The following ARHGEF10 variants were observed in gnomAD, a reference collection of about 807,000 sequenced individuals.
ARHGEF10 encodes Rho guanine nucleotide exchange factor 10, also known as Rho guanine nucleotide exchange factor (GEF) 10.
Under a neutral mutation model 147.4 loss-of-function variants are expected in ARHGEF10, and 140 were observed. That is an observed-to-expected ratio of 0.95 (90% CI 0.83 to 1.09). ARHGEF10 has a LOEUF of 1.09. Ranked by LOEUF, ARHGEF10 falls within the 50% of genes least tolerant of loss-of-function variation. The pLI is 0.00. For synonymous variants in ARHGEF10, 902 were observed against 695.8 expected (o/e 1.30, Z -4.67); for missense variants, 2,222 against 1,752.7 (o/e 1.27, Z -4.78).
chr8:1,873,605 A>C (rs59507011), intron 7 of ARHGEF10, among the ~76,000 whole-genome samples: 1 of 123,296 alleles, frequency 8.1e-6, no homozygotes, highest in Non-Finnish European at 1.7e-5. Flanking sequence ...TTGCCTTGAG[A>C]GGTGCCCGCG....
intron 4 of ARHGEF10, among the ~76,000 whole-genome samples, chr8:1,864,066 C>A (rs1295842326): frequency 6.6e-6 from 1 of 151,876 alleles, no homozygotes; most frequent in Admixed American, 6.6e-5. Flanking sequence ...GCCGTGGCTC[C>A]CATGCACATG....
Position 1,945,701 on chromosome 8 carries a change from C to G in ARHGEF10, c.3397+46C>G, listed in dbSNP as rs553825578. 5 of 1,611,518 alleles carry G rather than the reference C, an allele frequency of 3.1e-6. No individual in the cohort carries two copies. In the South Asian group the frequency reaches 4.4e-5, roughly 14 times the overall value. On this transcript the variant is annotated intron_variant, in intron 27 of 28. Transcript: ENST00000349830. ...CCAGGGATGGGACAGCAACCGGGGA[C>G]GGACGTGGGGGGTGCGGAGCGCTGT...
intron 25 of ARHGEF10, among the ~76,000 whole-genome samples, chr8:1,930,145 G>C (rs1214320953): frequency 6.6e-6 from 1 of 151,922 alleles, no homozygotes; most frequent in Non-Finnish European, 1.5e-5. Context: ...TCAGCTCTGA[G>C]CGCAGGGGTG....
chr8:1,869,388 T>C (rs1181945369), intron 7 of ARHGEF10, 138 bp downstream of exon 7: 2 of 764,010 alleles, frequency 2.6e-6, no homozygotes, highest in Non-Finnish European at 4.6e-6. Flanking sequence ...AATGGCTTAT[T>C]GATGTGTGGT....
chr8:1,864,609 T>C (rs1179832448), intron 5 of ARHGEF10, among the ~76,000 whole-genome samples, 173 bp downstream of exon 5: 3 of 152,184 alleles, frequency 2.0e-5, no homozygotes, highest in Non-Finnish European at 4.4e-5. Flanking sequence ...CCTGGAAATG[T>C]AGGGTCAGGA....
intron 2 of ARHGEF10, among the ~76,000 whole-genome samples, chr8:1,851,147 A>G (rs1200132639): frequency 1.3e-5 from 2 of 151,916 alleles, no homozygotes; most frequent in Non-Finnish European, 2.9e-5. Context: ...GCACAGCACC[A>G]GGAGCGAGGC....
At chr8:1,922,300 T>C (rs1295177511) in intron 18 of ARHGEF10, among the ~76,000 whole-genome samples, 1 of 151,872 alleles carries the variant, frequency 6.6e-6, no homozygotes, top group Non-Finnish European at 1.5e-5. Context: ...GAAAGATCAT[T>C]GGGGAACTCA....
intron 8 of ARHGEF10, among the ~76,000 whole-genome samples, chr8:1,879,573 G>A (rs1330900239): frequency 2.0e-5 from 3 of 147,790 alleles, no homozygotes; most frequent in African/African-American, 2.5e-5. Flanking sequence ...TTTTTTTGGA[G>A]ACAGGGTCTT....
Position 1,929,334 on chromosome 8 carries a change from G to C in ARHGEF10, c.2970G>C (p.Gln990His). 5 of 1,614,078 alleles carry C rather than the reference G, an allele frequency of 3.1e-6. No homozygotes were observed. The highest frequency in any genetic ancestry group is 3.4e-6 in the Non-Finnish European group (4 of 1,180,036). Reference protein sequence around the residue: ...SSQGSKKVRLQHFFTPEKSTV... With the variant: ...SSQGSKKVRLHHFFTPEKSTV... ...AAGGCTCCAAGAAAGTGAGACTTCA[G>C]CACTTTTTCACTCCTGAGAAGTCCA... Residue 990 changes from glutamine (Q) to histidine (H), a missense_variant, in exon 25 of 29, where the codon CAG (glutamine) becomes CAC (histidine). By Grantham distance (24) the Gln-to-His change is conservative (BLOSUM62 0). Coordinates refer to ENST00000349830, the MANE Select transcript of ARHGEF10 (RefSeq NM_014629.4).
chr8:1,888,593 A>G (rs1259295338), intron 11 of ARHGEF10, among the ~76,000 whole-genome samples: 6 of 116,530 alleles, frequency 5.1e-5, no homozygotes, highest in Non-Finnish European at 6.9e-5. Context: ...GGGGTCTGTG[A>G]GGTGTCACTG....
At chr8:1,831,747 T>A (rs1434992115) in intron 1 of ARHGEF10, among the ~76,000 whole-genome samples, 1 of 152,226 alleles carries the variant, frequency 6.6e-6, no homozygotes, top group Non-Finnish European at 1.5e-5. Context: ...GGTCGTGCAC[T>A]GCTCGCTCCT....
chr8:1,890,691 G>A (rs900194728), intron 11 of ARHGEF10, among the ~76,000 whole-genome samples: 1 of 151,974 alleles, frequency 6.6e-6, no homozygotes, highest in South Asian at 2.1e-4. Flanking sequence ...AGGAGACACT[G>A]AGTGGGTCAC....
rs148146160 is a variant in ARHGEF10 at position 1,941,822 on chromosome 8, C to T, written c.3223-3659C>T. 1.8e-3 allele frequency among the ~76,000 whole-genome samples: 272 copies of T among 152,268 alleles called. 1 individual carries two copies. The highest frequency in any genetic ancestry group is 6.4e-3 in the African/African-American group (265 of 41,562). Reference sequence around the variant, plus strand: ...GTCTATGTTCACATAATTTTCAACACGGTGCCAAAACTATTCCATTTGAAT... The same window carrying T: ...GTCTATGTTCACATAATTTTCAACATGGTGCCAAAACTATTCCATTTGAAT... On this transcript the variant is annotated intron_variant, in intron 26 of 28. Transcript: ENST00000349830.
intron 18 of ARHGEF10, among the ~76,000 whole-genome samples, chr8:1,914,591 A>G (rs572299567): frequency 6.6e-6 from 1 of 152,252 alleles, no homozygotes; most frequent in Non-Finnish European, 1.5e-5. Flanking sequence ...GCACAGCGGA[A>G]GCCCACCATG....
At chr8:1,940,436 A>T (rs1813992403) in intron 26 of ARHGEF10, among the ~76,000 whole-genome samples, 2 of 152,220 alleles carry the variant, frequency 1.3e-5, no homozygotes, top group Non-Finnish European at 2.9e-5. Context: ...AAGAAATAGA[A>T]ATAGAACATT....
At chr8:1,849,576 T>A (rs1483839524) in intron 2 of ARHGEF10, among the ~76,000 whole-genome samples, 1 of 92,522 alleles carries the variant, frequency 1.1e-5, no homozygotes, top group Non-Finnish European at 2.1e-5. Flanking sequence ...GAGGAGGGCG[T>A]GGGGCCAGCT....
chr8:1,931,260 T>A (rs1037487426), intron 25 of ARHGEF10, among the ~76,000 whole-genome samples: 19 of 152,260 alleles, frequency 1.2e-4, no homozygotes, highest in Non-Finnish European at 2.5e-4. Flanking sequence ...TTGATAGGAC[T>A]TTTTCATATA....
At chr8:1,918,068 G>A (rs1437892318) in intron 18 of ARHGEF10, among the ~76,000 whole-genome samples, 1 of 152,080 alleles carries the variant, frequency 6.6e-6, no homozygotes, top group Non-Finnish European at 1.5e-5. Flanking sequence ...GATTATAGGC[G>A]TGAGCCACCG....
chr8:1,898,442 G>A lies in ARHGEF10; in HGVS notation c.1567G>A (p.Glu523Lys). 2 of 1,614,072 alleles carry A rather than the reference G, an allele frequency of 1.2e-6. No homozygotes were observed. The highest frequency in any genetic ancestry group is 8.5e-7 in the Non-Finnish European group (1 of 1,180,010). ...GTGCCTTCCCCCACAGCAGGAACAGGAGGCCAGCCCCGATCGAACCACGCT... is the reference window on the plus strand; with the variant it reads ...GTGCCTTCCCCCACAGCAGGAACAGAAGGCCAGCCCCGATCGAACCACGCT... Reference protein sequence around the residue: ...AFLEFLKQEQEASPDRTTLYS... With the variant: ...AFLEFLKQEQKASPDRTTLYS... The change falls in exon 15 of 29, where the codon GAG (glutamate) becomes AAG (lysine). Residue 523 changes from glutamate (E) to lysine (K), a missense_variant. Glu to Lys is a moderately conservative substitution (Grantham distance 56). Transcript: ENST00000349830.
Sources: gnomAD v4.1 joint callset for allele counts (sites outside exome capture counted in the v4.1 genomes callset) on GRCh38, gnomAD v4.1.1 for gene constraint, MANE v1.5 for transcripts, NCBI Gene and HGNC (gene_info 2026-07-23, HGNC 2026-07-21) for gene names.